MAD1L1: variants seen among roughly 807,000 people sequenced by gnomAD.
MAD1L1 encodes mitotic arrest deficient 1 like 1.
A neutral mutation model predicts 96.9 loss-of-function variants in MAD1L1; 95 were observed. The observed-to-expected ratio is 0.98, with a 90% confidence interval of 0.83 to 1.16. The LOEUF (loss-of-function observed/expected upper bound fraction) is 1.16, where lower values mean the gene tolerates loss of function less well. Ranked by LOEUF, MAD1L1 falls within the 50% of genes most tolerant of loss-of-function variation. The pLI is 0.00. For missense variants in MAD1L1, 1,007 were observed against 954.4 expected (o/e 1.06, Z -0.73); for synonymous variants, 473 against 396.6 (o/e 1.19, Z -2.29).
chr7:1,997,297 A>G (rs1046944540), intron 14 of MAD1L1, among the ~76,000 whole-genome samples: 29 of 152,252 alleles, frequency 1.9e-4, no homozygotes, highest in African/African-American at 6.8e-4. Context: ...CACTAGGGCC[A>G]TGTCCCAGAC....
Position 1,854,528 on chromosome 7 carries a change from G to A in MAD1L1, c.1999-38300C>T, listed in dbSNP as rs529427172. On this transcript the variant is annotated intron_variant, in intron 18 of 18. Transcript: ENST00000265854. ...CTGTCTGTCACACGGGGGAAGGGGCGGGGGGACTCTGGGGTCCCCTCTATA... is the reference window on the plus strand; with the variant it reads ...CTGTCTGTCACACGGGGGAAGGGGCAGGGGGACTCTGGGGTCCCCTCTATA... 4.5e-4 allele frequency among the ~76,000 whole-genome samples: 69 copies of A among 152,216 alleles called. 3 individuals are homozygous for A. In the South Asian group the frequency reaches 0.01, roughly 23 times the overall value.
At chr7:1,971,159 G>A (rs1306315220) in intron 15 of MAD1L1, among the ~76,000 whole-genome samples, 3 of 152,186 alleles carry the variant, frequency 2.0e-5, no homozygotes, top group African/African-American at 7.2e-5. Context: ...TCAACGTGGA[G>A]ATGCACGCAG....
At chr7:2,157,379 A>G (rs1290699137) in intron 10 of MAD1L1, among the ~76,000 whole-genome samples, 1 of 152,152 alleles carries the variant, frequency 6.6e-6, no homozygotes. Flanking sequence ...GCTCCCCACC[A>G]TGCAAGTCCA....
chr7:2,074,923 G>A (rs1785304197), intron 11 of MAD1L1, among the ~76,000 whole-genome samples: 1 of 152,206 alleles, frequency 6.6e-6, no homozygotes, highest in South Asian at 2.1e-4. Context: ...CCAATGGGCA[G>A]CTGGCGTGCT....
Position 2,149,305 on chromosome 7 carries a change from A to G in MAD1L1, c.987-67T>C, listed in dbSNP as rs995056018. ...AGAAGTAAACCTGATTCTGCACACAAAACAGAAGGCCAAAAGCAACCTCTG... is the reference window on the plus strand; with the variant it reads ...AGAAGTAAACCTGATTCTGCACACAGAACAGAAGGCCAAAAGCAACCTCTG... On this transcript the variant is annotated intron_variant, in intron 10 of 18. Coordinates refer to ENST00000265854, the MANE Select transcript of MAD1L1 (RefSeq NM_001013836.2). The G allele has an allele frequency of 2.2e-6, 3 of 1,336,086 alleles. No individual in the cohort carries two copies. The African/African-American group carries it at 4.3e-5, about 19-fold the overall frequency. The allele number at this position is 1,336,086 out of a possible 1,614,324, so 82.8% of individuals were successfully genotyped here.
chr7:1,965,354 C>T (rs537196743), intron 15 of MAD1L1, among the ~76,000 whole-genome samples: 8 of 152,352 alleles, frequency 5.3e-5, no homozygotes, highest in African/African-American at 1.9e-4. Context: ...CGGGTGCCCA[C>T]GCCTGCCCTT....
chr7:2,149,086 T>A, intron 11 of MAD1L1, 66 bp downstream of exon 11: 3 of 1,438,654 alleles, frequency 2.1e-6, no homozygotes, highest in Non-Finnish European at 2.9e-6. Context: ...GGGCACACAC[T>A]CTCACTCACC....
chr7:2,106,947 C>A (rs1368524330), intron 11 of MAD1L1, among the ~76,000 whole-genome samples: 6 of 152,186 alleles, frequency 3.9e-5, no homozygotes, highest in African/African-American at 1.4e-4. Flanking sequence ...TGGCCCAGTC[C>A]CCTAGAGGAG....
chr7:1,912,239 T>C (rs958162439), intron 17 of MAD1L1, among the ~76,000 whole-genome samples: 1 of 152,152 alleles, frequency 6.6e-6, no homozygotes, highest in African/African-American at 2.4e-5. Context: ...GCCAGCCCTG[T>C]CGACTGGATG....
rs545511294 is a variant in MAD1L1, at chr7:2,142,085, G to A, written c.1073+7067C>T. Among the ~76,000 whole-genome samples the A allele has an allele frequency of 6.6e-6, 1 of 152,334 alleles. No individual in the cohort carries two copies. The highest frequency in any genetic ancestry group is 1.5e-5 in the Non-Finnish European group (1 of 68,032). ...AGGGGTCCATGTTCAAGTGCATGGT[G>A]CCAGACCCCAGGCACAGGGATGTCC... On this transcript the variant is annotated intron_variant, in intron 11 of 18. Coordinates refer to ENST00000265854, the MANE Select transcript of MAD1L1 (RefSeq NM_001013836.2). The surrounding 1 kb of genome is among the most constrained non-coding windows in gnomAD (Gnocchi z 4.7).
At chr7:1,997,989 G>A (rs1291476456) in intron 14 of MAD1L1, among the ~76,000 whole-genome samples, 2 of 148,296 alleles carry the variant, frequency 1.3e-5, no homozygotes, top group African/African-American at 5.0e-5. Context: ...CACCAAATTC[G>A]AAGTCAAATG....
chr7:2,052,260 G>A lies in MAD1L1; in HGVS notation c.1218+16934C>T, dbSNP rs117785294. 7.3e-3 allele frequency among the ~76,000 whole-genome samples: 1,116 copies of A among 152,330 alleles called. 8 individuals carry two copies. The highest frequency in any genetic ancestry group is 0.012 in the Non-Finnish European group (830 of 68,036). ...ATGGCATGACTCCATATGCCAACAG[G>A]CTTCCCTGGCCCCTTCATGTGAGCA... is the stretch of plus-strand genomic sequence containing the variant. On this transcript the variant is annotated intron_variant, in intron 12 of 18. Coordinates refer to ENST00000265854, the MANE Select transcript of MAD1L1 (RefSeq NM_001013836.2).
chr7:1,908,346 G>A lies in MAD1L1; in HGVS notation c.1808-9956C>T, dbSNP rs368708809. ...GAGCTGATGGGTAATTTGGCCAGAT[G>A]CAGAATTCCAGGCTGTATACACTCC... On this transcript the variant is annotated intron_variant, in intron 17 of 18. Coordinates refer to ENST00000265854, the MANE Select transcript of MAD1L1 (RefSeq NM_001013836.2). Among the ~76,000 whole-genome samples, 43 of 152,314 alleles carry A rather than the reference G, an allele frequency of 2.8e-4. No individual in the cohort carries two copies. The South Asian group carries it at 8.3e-3, about 29-fold the overall frequency.
At chr7:2,220,864 C>T (rs1637731) in intron 5 of MAD1L1, 360,798 of 1,589,024 alleles carry the variant, frequency 0.23, 43,341 homozygotes, top group African/African-American at 0.42. Flanking sequence ...AGAGGTCTTC[C>T]GAACTCAATT....
intron 11 of MAD1L1, among the ~76,000 whole-genome samples, chr7:2,094,106 G>A (rs893950533): frequency 2.6e-5 from 4 of 152,222 alleles, no homozygotes; most frequent in Non-Finnish European, 5.9e-5. Context: ...GGGAGCACAC[G>A]CCCAGCCATG....
chr7:1,936,239 C>A (rs1778593745), intron 17 of MAD1L1, among the ~76,000 whole-genome samples: 1 of 152,212 alleles, frequency 6.6e-6, no homozygotes, highest in Non-Finnish European at 1.5e-5. Context: ...GTGGGCAGGC[C>A]CTGCTGGCCC....
At chr7:2,108,016 T>C (rs1787185951) in intron 11 of MAD1L1, among the ~76,000 whole-genome samples, 1 of 145,996 alleles carries the variant, frequency 6.8e-6, no homozygotes, top group South Asian at 2.3e-4. Flanking sequence ...AGTGGGGACA[T>C]GAAACCCATC....
chr7:1,868,442 G>A (rs1303294854), intron 18 of MAD1L1, among the ~76,000 whole-genome samples: 1 of 152,056 alleles, frequency 6.6e-6, no homozygotes, highest in Non-Finnish European at 1.5e-5. Context: ...CTGGAGTGGG[G>A]CCCTCCATGT....
intron 5 of MAD1L1, among the ~76,000 whole-genome samples, chr7:2,220,178 G>A (rs528352005): frequency 3.1e-4 from 47 of 152,348 alleles, no homozygotes; most frequent in African/African-American, 9.1e-4. Context: ...GGGGCAGGGC[G>A]GTACCTGCTG....
Sources: allele counts gnomAD v4.1 joint callset (sites outside exome capture counted in the v4.1 genomes callset), GRCh38; gene constraint gnomAD v4.1.1; non-coding constraint Gnocchi (gnomAD v3.1); transcripts MANE v1.5; gene names NCBI Gene and HGNC (gene_info 2026-07-23, HGNC 2026-07-21).